The following CACNA1D variants were observed in gnomAD, a reference collection of about 807,000 sequenced individuals.
CACNA1D encodes the protein calcium voltage-gated channel subunit alpha1 D.
CACNA1D carries 55 observed loss-of-function variants against 257.1 expected under a neutral mutation model. The observed-to-expected ratio is 0.21, with a 90% CI of 0.17 to 0.27. The LOEUF (loss-of-function observed/expected upper bound fraction) is 0.27. CACNA1D is among the 10% of genes least tolerant of loss of function. The pLI is 1.00. For synonymous variants in CACNA1D, 980 were observed against 1,014.9 expected (o/e 0.97, Z 0.65); for missense variants, 1,876 against 2,784.0 (o/e 0.67, Z 7.34).
At position 53,673,875 on chromosome 3, in the gene CACNA1D, G is replaced by GT. The variant is rs1407999010; in HGVS notation, c.1220+750dup. Reference sequence around the variant, plus strand: ...GCTGCCACGTGTGAGGCAACTCTGCGTGTCTCCTAGCTGCTCCCTGACAGC... The same window carrying GT: ...GCTGCCACGTGTGAGGCAACTCTGCGTTGTCTCCTAGCTGCTCCCTGACAGC... On this transcript the variant is annotated intron_variant, in intron 8 of 47. Coordinates refer to ENST00000350061, the MANE Select transcript of CACNA1D (RefSeq NM_001128840.3). This position sits in a 1 kb window ranked among gnomAD's most constrained non-coding sequence, Gnocchi z 4.1. 4.8e-6 allele frequency: 5 copies of GT among 1,038,024 alleles called. No homozygotes were observed. In the African/African-American group the frequency reaches 7.8e-5, roughly 16 times the overall value. 64.3% of individuals were successfully genotyped at this position (1,038,024 alleles called of 1,614,324 possible). A position where few individuals can be genotyped will look rare whatever the true frequency, so the allele number is the denominator to read the frequency against.
intron 4 of CACNA1D, among the ~76,000 whole-genome samples, chr3:53,652,749 C>T (rs1244667189): frequency 2.0e-5 from 3 of 152,148 alleles, no homozygotes; most frequent in Admixed American, 2.0e-4. Context: ...ATCTAGCCTG[C>T]CACCTATTTT....
At chr3:53,758,221 C>T (rs980744324) in intron 29 of CACNA1D, among the ~76,000 whole-genome samples, 1 of 152,184 alleles carries the variant, frequency 6.6e-6, no homozygotes, top group Admixed American at 6.5e-5. Flanking sequence ...AGAAAGCTGT[C>T]AGGCATAGTT....
At chr3:53,747,038 C>T (rs552120763) in intron 25 of CACNA1D, among the ~76,000 whole-genome samples, 5 of 152,120 alleles carry the variant, frequency 3.3e-5, no homozygotes, top group Admixed American at 2.0e-4. Flanking sequence ...TATCGGCCAA[C>T]GACGTATGCC....
In CACNA1D at chr3:53,749,291, C is replaced by T. The variant is rs1363939471; in HGVS notation, c.3338C>T (p.Ser1113Leu). 6.2e-6 allele frequency: 10 copies of T among 1,613,798 alleles called. No individual in the cohort carries two copies. Among genetic ancestry groups the T allele is most frequent in the African/African-American group, 1.3e-5 (1 of 75,028 alleles). ...AGGTTGCTGTATAAAGCCATCGACT[C>T]GAATGGAGAGAACATCGGCCCAATC... ...WPALLYKAID[S>L]NGENIGPIYN... The change falls in exon 27 of 48, where the codon TCG becomes TTG. Residue 1113 changes from serine (S) to leucine (L), a missense_variant. Physicochemically the swap from Ser to Leu is moderately radical, Grantham distance 145. Around this residue, in one of 10 missense-constraint regions of CACNA1D, gnomAD observed 271 missense variants for 425.5 expected, o/e 0.64. Coordinates refer to ENST00000350061, the MANE Select transcript of CACNA1D (RefSeq NM_001128840.3).
chr3:53,737,251 A>G (rs775502240), intron 20 of CACNA1D, among the ~76,000 whole-genome samples: 53 of 152,228 alleles, frequency 3.5e-4, no homozygotes, highest in Non-Finnish European at 5.0e-4. Context: ...AGCCTGGGCA[A>G]CAGAGTAAGT....
chr3:53,568,013 G>A (rs767717190), intron 3 of CACNA1D, among the ~76,000 whole-genome samples: 6 of 152,298 alleles, frequency 3.9e-5, no homozygotes, highest in East Asian at 1.9e-4. Flanking sequence ...TAAATAAGTC[G>A]TTTAACCTAA....
chr3:53,608,207 T>G (rs908399854), intron 3 of CACNA1D, among the ~76,000 whole-genome samples: 1 of 152,224 alleles, frequency 6.6e-6, no homozygotes, highest in African/African-American at 2.4e-5. Context: ...TTTCAAATGT[T>G]TTGCATAATT....
chr3:53,518,640 T>C (rs565453844), intron 3 of CACNA1D, among the ~76,000 whole-genome samples: 7 of 152,232 alleles, frequency 4.6e-5, no homozygotes, highest in Non-Finnish European at 1.0e-4. Flanking sequence ...CTTTTCATTT[T>C]CCTTTGCTTC....
chr3:53,792,692 T>G (rs1239560542), intron 40 of CACNA1D, among the ~76,000 whole-genome samples: 1 of 152,136 alleles, frequency 6.6e-6, no homozygotes, highest in Non-Finnish European at 1.5e-5. Flanking sequence ...GTGGGAAGTA[T>G]GCTTTCTGCA....
intron 3 of CACNA1D, among the ~76,000 whole-genome samples, chr3:53,619,018 G>A (rs1184198647): frequency 2.0e-5 from 3 of 152,122 alleles, no homozygotes; most frequent in South Asian, 2.1e-4. Flanking sequence ...CACTGCCAAC[G>A]TCTCTGTTGT....
chr3:53,556,396 C>G (rs1161888662), intron 3 of CACNA1D, among the ~76,000 whole-genome samples: 25 of 152,234 alleles, frequency 1.6e-4, no homozygotes, highest in Admixed American at 1.6e-3. Flanking sequence ...GCTTCACATT[C>G]TTGCCAACAC....
intron 7 of CACNA1D, among the ~76,000 whole-genome samples, chr3:53,668,086 A>G (rs533154665): frequency 7.9e-5 from 12 of 152,116 alleles, no homozygotes; most frequent in Non-Finnish European, 1.6e-4. Context: ...AAAAAGCATC[A>G]TCAAAATAGC....
At chr3:53,583,628 C>A (rs759387233) in intron 3 of CACNA1D, among the ~76,000 whole-genome samples, 1 of 152,160 alleles carries the variant, frequency 6.6e-6, no homozygotes, top group Non-Finnish European at 1.5e-5. Context: ...GTGGGACTCT[C>A]CTCAGGGGCT....
intron 3 of CACNA1D, among the ~76,000 whole-genome samples, chr3:53,580,888 GCATACAATGGC>G (rs1346925427): frequency 1.3e-5 from 2 of 152,160 alleles, no homozygotes; most frequent in African/African-American, 2.4e-5. Context: ...CCAGCAGTTG[GCATACAATGGC>G]CATTTGGTAT....
chr3:53,799,158 G>A (rs143166379), intron 40 of CACNA1D, among the ~76,000 whole-genome samples: 12 of 152,312 alleles, frequency 7.9e-5, no homozygotes, highest in South Asian at 4.1e-4. Flanking sequence ...ATACAGGACC[G>A]TAGACCCAGG....
At chr3:53,757,953 G>A (rs2095276129) in intron 29 of CACNA1D, among the ~76,000 whole-genome samples, 1 of 152,202 alleles carries the variant, frequency 6.6e-6, no homozygotes, top group African/African-American at 2.4e-5. Flanking sequence ...GTTTGTTGGT[G>A]AGCAGCTGCT....
intron 40 of CACNA1D, chr3:53,791,246 G>A (rs575948610): frequency 9.1e-6 from 5 of 549,250 alleles, no homozygotes; most frequent in East Asian, 3.0e-5. Flanking sequence ...CGTTGCTCAC[G>A]GTGGTTCTTT....
At chr3:53,587,755 G>A (rs2093242903) in intron 3 of CACNA1D, among the ~76,000 whole-genome samples, 1 of 152,186 alleles carries the variant, frequency 6.6e-6, no homozygotes, top group Non-Finnish European at 1.5e-5. Context: ...ATATAGCCAC[G>A]TTTGGAGTTG....
chr3:53,552,143 C>T (rs1416402967), intron 3 of CACNA1D, among the ~76,000 whole-genome samples: 1 of 152,152 alleles, frequency 6.6e-6, no homozygotes, highest in Non-Finnish European at 1.5e-5. Flanking sequence ...CTGGTCTCTG[C>T]CACTGTCTCC....
Sources: gnomAD v4.1 joint callset for allele counts (sites outside exome capture counted in the v4.1 genomes callset) on GRCh38, gnomAD v4.1.1 for gene constraint, gnomAD v4.1.1 regional missense constraint, Gnocchi (gnomAD v3.1) non-coding constraint, MANE v1.5 for transcripts, NCBI Gene and HGNC (gene_info 2026-07-23, HGNC 2026-07-21) for gene names.